PCCA: variants seen among roughly 807,000 people sequenced by gnomAD.
The protein encoded by PCCA is propionyl-CoA carboxylase subunit alpha.
In PCCA, 74 loss-of-function variants were observed where a neutral mutation model predicts 101.3. That is an observed-to-expected ratio of 0.73 (90% CI 0.61 to 0.89). PCCA has a LOEUF of 0.89. Ranked by LOEUF, PCCA falls within the 40% of genes least tolerant of loss-of-function variation. The pLI, the probability that PCCA is intolerant of heterozygous loss-of-function variation, is 0.00. For missense variants in PCCA, 891 were observed against 907.0 expected (o/e 0.98, Z 0.23); for synonymous variants, 294 against 313.6 (o/e 0.94, Z 0.66).
At chr13:100,114,988 T>G (rs963621192) in intron 4 of PCCA, among the ~76,000 whole-genome samples, 2 of 152,220 alleles carry the variant, frequency 1.3e-5, no homozygotes, top group East Asian at 1.9e-4. Context: ...CCATGTTTAT[T>G]GTAGCATTTT....
chr13:100,151,145 T>C, intron 4 of PCCA: 1 of 968,296 alleles, frequency 1.0e-6, no homozygotes. Flanking sequence ...AAGTTTAATT[T>C]ATTTTTTAAA....
intron 22 of PCCA, among the ~76,000 whole-genome samples, chr13:100,523,266 AAAGCATACTAT>A (rs1398117402): frequency 6.6e-6 from 1 of 152,212 alleles, no homozygotes; most frequent in Admixed American, 6.5e-5. Context: ...TTAGCACAAC[AAAGCATACTAT>A]AAGCTTGAAG....
intron 21 of PCCA, among the ~76,000 whole-genome samples, chr13:100,455,826 A>G (rs911079084): frequency 6.6e-6 from 1 of 151,978 alleles, no homozygotes; most frequent in African/African-American, 2.4e-5. Context: ...CAGCCTCCCA[A>G]GTAGCTGGGA....
At position 100,444,222 on chromosome 13, in the gene PCCA, G is replaced by A. The variant is rs1436136450; in HGVS notation, c.1846-5030G>A. Among the ~76,000 whole-genome samples the A allele has an allele frequency of 3.6e-5, 5 of 138,726 alleles. No individual in the cohort carries two copies. The South Asian group carries it at 1.1e-3, about 31-fold the overall frequency. 91.0% of individuals were successfully genotyped at this position (138,726 alleles called of 152,430 possible). On this transcript the variant is annotated intron_variant, in intron 20 of 23. Coordinates refer to ENST00000376285, the MANE Select transcript of PCCA (RefSeq NM_000282.4). Reference sequence around the variant, plus strand: ...CCACAATTTTTTTTTTTTTTTTTGAGACGGTGTCTCGCTCTGTCTCCCAGG... The same window carrying A: ...CCACAATTTTTTTTTTTTTTTTTGAAACGGTGTCTCGCTCTGTCTCCCAGG...
intron 16 of PCCA, among the ~76,000 whole-genome samples, chr13:100,321,772 A>G (rs983234879): frequency 6.6e-6 from 1 of 152,080 alleles, no homozygotes; most frequent in Admixed American, 6.6e-5. Context: ...TGTTTTCTAA[A>G]CGTCTTGAGG....
chr13:100,322,504 A>G (rs977298118), intron 16 of PCCA, among the ~76,000 whole-genome samples: 3 of 151,984 alleles, frequency 2.0e-5, no homozygotes, highest in Non-Finnish European at 2.9e-5. Flanking sequence ...AACTATTGTG[A>G]TATATAATGT....
chr13:100,332,569 G>A (rs2069795524), intron 17 of PCCA, among the ~76,000 whole-genome samples: 1 of 152,150 alleles, frequency 6.6e-6, no homozygotes, highest in African/African-American at 2.4e-5. Context: ...TATGTATGGT[G>A]AAGTATCCCA....
intron 6 of PCCA, among the ~76,000 whole-genome samples, chr13:100,192,817 C>T (rs956759044): frequency 3.3e-5 from 5 of 152,206 alleles, no homozygotes; most frequent in African/African-American, 1.2e-4. Context: ...AATGCTCCTT[C>T]CTTTGTGAAG....
intron 1 of PCCA, among the ~76,000 whole-genome samples, chr13:100,095,942 TGGAAACAG>T (rs2046733089): frequency 6.6e-6 from 1 of 151,488 alleles, no homozygotes; most frequent in South Asian, 2.1e-4. Context: ...GTGGGAAGAG[TGGAAACAG>T]AGAGACCCAT....
chr13:100,518,291 C>A (rs2086984162), intron 22 of PCCA, among the ~76,000 whole-genome samples: 1 of 152,164 alleles, frequency 6.6e-6, no homozygotes, highest in Admixed American at 6.5e-5. Flanking sequence ...TCACATAAAT[C>A]GTAATGAACA....
intron 12 of PCCA, among the ~76,000 whole-genome samples, chr13:100,300,720 C>A (rs1411574985): frequency 6.6e-6 from 1 of 152,226 alleles, no homozygotes; most frequent in African/African-American, 2.4e-5. Context: ...TTTATGTTGA[C>A]ATGTATCCCT....
chr13:100,507,698 C>T (rs1387549336), intron 21 of PCCA, among the ~76,000 whole-genome samples: 1 of 152,142 alleles, frequency 6.6e-6, no homozygotes, highest in African/African-American at 2.4e-5. Flanking sequence ...GCACTGTGGC[C>T]TGGGCTGGAG....
intron 7 of PCCA, among the ~76,000 whole-genome samples, chr13:100,212,821 C>T (rs1254153110): frequency 2.0e-5 from 3 of 152,078 alleles, no homozygotes; most frequent in Non-Finnish European, 4.4e-5. Flanking sequence ...CTTACCCATT[C>T]TATCTAACTG....
chr13:100,186,772 A>G (rs1269384141), intron 6 of PCCA, among the ~76,000 whole-genome samples: 1 of 151,556 alleles, frequency 6.6e-6, no homozygotes, highest in African/African-American at 2.4e-5. Context: ...AAAATACAAA[A>G]TAGGGATAGT....
At chr13:100,528,411 G>T (rs1411757477) in intron 23 of PCCA, among the ~76,000 whole-genome samples, 1 of 152,220 alleles carries the variant, frequency 6.6e-6, no homozygotes, top group Non-Finnish European at 1.5e-5. Context: ...TGTCTGCATG[G>T]GAGAGCATGA....
chr13:100,240,302 C>CTCTG (rs1263419971), intron 8 of PCCA, among the ~76,000 whole-genome samples: 2 of 152,024 alleles, frequency 1.3e-5, no homozygotes, highest in African/African-American at 4.8e-5. Context: ...CTACTCCCTT[C>CTCTG]TCTGCCTCCC....
intron 21 of PCCA, among the ~76,000 whole-genome samples, chr13:100,493,296 C>T (rs1029061588): frequency 1.2e-4 from 19 of 152,214 alleles, no homozygotes; most frequent in Non-Finnish European, 2.9e-5. Context: ...TTCATTCTGA[C>T]ACAGGTGGGA....
At chr13:100,462,527 C>T (rs943368860) in intron 21 of PCCA, among the ~76,000 whole-genome samples, 2 of 152,054 alleles carry the variant, frequency 1.3e-5, no homozygotes, top group African/African-American at 4.8e-5. Flanking sequence ...AGTAGCAGAG[C>T]GAATTGTAGA....
intron 4 of PCCA, among the ~76,000 whole-genome samples, chr13:100,133,792 A>G (rs1431354987): frequency 6.6e-6 from 1 of 152,082 alleles, no homozygotes; most frequent in Non-Finnish European, 1.5e-5. Flanking sequence ...CTGGGTGGGC[A>G]CCCTCTAATC....
Sources: allele counts gnomAD v4.1 joint callset (sites outside exome capture counted in the v4.1 genomes callset), GRCh38; gene constraint gnomAD v4.1.1; transcripts MANE v1.5; gene names NCBI Gene and HGNC (gene_info 2026-07-23, HGNC 2026-07-21).